ANKS1B: variants seen among roughly 807,000 people sequenced by gnomAD.
The protein encoded by ANKS1B is ankyrin repeat and sterile alpha motif domain-containing protein 1B.
A neutral mutation model predicts 148.3 loss-of-function variants in ANKS1B; 36 were observed. The ratio of observed to expected loss-of-function variants is 0.24; its 90% confidence interval spans 0.19 to 0.32. ANKS1B has a LOEUF of 0.32. Ranked by LOEUF, ANKS1B falls within the 10% of genes least tolerant of loss-of-function variation. The probability of loss-of-function intolerance (pLI) is 1.00; values close to 1 mark genes in which losing one functional copy is unlikely to be tolerated. For missense variants in ANKS1B, 1,157 were observed against 1,542.6 expected (o/e 0.75, Z 4.19); for synonymous variants, 542 against 560.8 (o/e 0.97, Z 0.47).
intron 15 of ANKS1B, among the ~76,000 whole-genome samples, chr12:99,100,326 A>G (rs2057554913): frequency 6.6e-6 from 1 of 152,170 alleles, no homozygotes; most frequent in African/African-American, 2.4e-5. Flanking sequence ...TTCTTTATTC[A>G]TTGACTTATT....
intron 25 of ANKS1B, among the ~76,000 whole-genome samples, chr12:98,767,458 C>T (rs750889189): frequency 9.3e-5 from 14 of 150,928 alleles, no homozygotes; most frequent in Non-Finnish European, 1.8e-4. Context: ...ACATTCTCTA[C>T]GCACTCCTGA....
At chr12:99,129,223 C>T (rs943830427) in intron 15 of ANKS1B, among the ~76,000 whole-genome samples, 2 of 152,152 alleles carry the variant, frequency 1.3e-5, no homozygotes, top group East Asian at 1.9e-4. Flanking sequence ...GTTCCCTTCC[C>T]ACAAGGCACA....
At chr12:99,736,847 T>C (rs544228641) in intron 8 of ANKS1B, among the ~76,000 whole-genome samples, 16 of 151,694 alleles carry the variant, frequency 1.1e-4, no homozygotes, top group Non-Finnish European at 2.4e-4. Context: ...GATTCAACAA[T>C]AAAAAATCTA....
intron 17 of ANKS1B, among the ~76,000 whole-genome samples, chr12:98,834,066 CT>C (rs1235593032): frequency 6.6e-6 from 1 of 152,170 alleles, no homozygotes; most frequent in African/African-American, 2.4e-5. Flanking sequence ...GACAGCCACC[CT>C]CTGACCCATG....
chr12:99,159,787 T>G (rs186431782), intron 14 of ANKS1B, among the ~76,000 whole-genome samples: 33 of 152,318 alleles, frequency 2.2e-4, no homozygotes, highest in Admixed American at 2.1e-3. Context: ...TGTTTTAAGT[T>G]CTTTGAGAAA....
chr12:98,748,320 G>A (rs1378622912), intron 26 of ANKS1B, among the ~76,000 whole-genome samples: 1 of 152,160 alleles, frequency 6.6e-6, no homozygotes, highest in Non-Finnish European at 1.5e-5. Flanking sequence ...GACCCAGTCA[G>A]GCTAAGCCTT....
intron 8 of ANKS1B, among the ~76,000 whole-genome samples, chr12:99,772,442 G>A (rs1215161815): frequency 6.6e-6 from 1 of 152,004 alleles, no homozygotes; most frequent in African/African-American, 2.4e-5. Flanking sequence ...GAAACCTCTT[G>A]GGATTTGCAT....
rs556279805 is a variant in ANKS1B at position 99,039,135 on chromosome 12, G to A, written c.2778+14022C>T. On this transcript the variant is annotated intron_variant, in intron 17 of 26. Coordinates refer to ENST00000683438, the MANE Select transcript of ANKS1B (RefSeq NM_001352186.2). ...TACTACATATACTTCTTCATATGTC[G>A]TCTTCCCAGTTGGACACTTTCTAGG... Among the ~76,000 whole-genome samples, 12 of 152,286 alleles carry A rather than the reference G, an allele frequency of 7.9e-5. 1 individual carries two copies. Among genetic ancestry groups the A allele is most frequent in the South Asian group, 2.1e-4 (1 of 4,822 alleles).
intron 9 of ANKS1B, among the ~76,000 whole-genome samples, chr12:99,519,443 C>A (rs986406301): frequency 2.0e-5 from 3 of 152,218 alleles, no homozygotes; most frequent in Admixed American, 6.5e-5. Context: ...TATCCTCTTG[C>A]TGAATTGACC....
At chr12:99,551,260 C>T (rs2097214665) in intron 9 of ANKS1B, among the ~76,000 whole-genome samples, 1 of 152,126 alleles carries the variant, frequency 6.6e-6, no homozygotes, top group African/African-American at 2.4e-5. Context: ...TAATTTTTAG[C>T]TCCTCAAATA....
At chr12:99,763,638 T>C (rs1601665799) in intron 8 of ANKS1B, among the ~76,000 whole-genome samples, 1 of 151,664 alleles carries the variant, frequency 6.6e-6, no homozygotes, top group Non-Finnish European at 1.5e-5. Context: ...CCTGCATATG[T>C]ACCTCACTGA....
At chr12:99,231,078 G>A (rs970282557) in intron 14 of ANKS1B, among the ~76,000 whole-genome samples, 1 of 152,110 alleles carries the variant, frequency 6.6e-6, no homozygotes, top group African/African-American at 2.4e-5. Flanking sequence ...AATATGACTG[G>A]AGGCAAGGAA....
At chr12:99,100,712 T>A (rs567474481) in intron 15 of ANKS1B, among the ~76,000 whole-genome samples, 2 of 152,256 alleles carry the variant, frequency 1.3e-5, no homozygotes, top group South Asian at 4.1e-4. Flanking sequence ...GTATTTTTAG[T>A]AAAGATTGGG....
At chr12:99,105,800 A>T (rs1338732191) in intron 15 of ANKS1B, among the ~76,000 whole-genome samples, 1 of 151,858 alleles carries the variant, frequency 6.6e-6, no homozygotes, top group Non-Finnish European at 1.5e-5. Flanking sequence ...CTAAAACTAA[A>T]ACAAAATTTT....
At chr12:99,241,109 G>A (rs1366990581) in intron 14 of ANKS1B, among the ~76,000 whole-genome samples, 1 of 152,272 alleles carries the variant, frequency 6.6e-6, no homozygotes, top group South Asian at 2.1e-4. Context: ...GAATCCAGGA[G>A]CTGGTTTTTT....
intron 12 of ANKS1B, among the ~76,000 whole-genome samples, chr12:99,267,671 T>C (rs1013993568): frequency 6.6e-6 from 1 of 152,160 alleles, no homozygotes; most frequent in Non-Finnish European, 1.5e-5. Flanking sequence ...CTTGAACAGC[T>C]TATAGTTATA....
intron 14 of ANKS1B, among the ~76,000 whole-genome samples, chr12:99,214,440 G>A (rs746837155): frequency 9.2e-5 from 14 of 152,182 alleles, no homozygotes; most frequent in South Asian, 2.1e-4. Context: ...AGTTTTTCCC[G>A]TGCTGTTCTC....
chr12:99,960,328 A>C (rs2095392578), intron 1 of ANKS1B, among the ~76,000 whole-genome samples: 1 of 152,224 alleles, frequency 6.6e-6, no homozygotes, highest in African/African-American at 2.4e-5. Context: ...AAGACAGATA[A>C]TCTGGCCTCA....
chr12:99,684,661 TACTTA>T (rs2098639591), intron 8 of ANKS1B, among the ~76,000 whole-genome samples: 1 of 152,098 alleles, frequency 6.6e-6, no homozygotes, highest in Admixed American at 6.6e-5. Context: ...AGCATCACAT[TACTTA>T]ACTTCAAACT....
Sources: allele counts gnomAD v4.1 joint callset (sites outside exome capture counted in the v4.1 genomes callset), GRCh38; gene constraint gnomAD v4.1.1; transcripts MANE v1.5; gene names NCBI Gene and HGNC (gene_info 2026-07-23, HGNC 2026-07-21).